Variants in HYAL4 observed in about 807,000 individuals in gnomAD.
HYAL4 encodes hyaluronidase-4.
In HYAL4, 37 loss-of-function variants were observed where a neutral mutation model predicts 35.2. The ratio of observed to expected loss-of-function variants is 1.05; its 90% CI spans 0.81 to 1.38. The LOEUF (loss-of-function observed/expected upper bound fraction) is 1.38. HYAL4 is among the 40% of genes most tolerant of loss of function. HYAL4 has a pLI of 0.00. For synonymous variants in HYAL4, 198 were observed against 203.2 expected (o/e 0.97, Z 0.22); for missense variants, 572 against 572.4 (o/e 1.00, Z 0.01).
At chr7:123,857,341 A>G (rs560995967) in intron 2 of HYAL4, among the ~76,000 whole-genome samples, 2 of 152,286 alleles carry the variant, frequency 1.3e-5, no homozygotes, top group East Asian at 3.9e-4. Flanking sequence ...CCTGGTCTGC[A>G]GGTTGCGAAG....
chr7:123,797,735 A>G, the HYAL4 span, among the ~76,000 whole-genome samples: 1 of 152,208 alleles, frequency 6.6e-6, no homozygotes, highest in Non-Finnish European at 1.5e-5. Flanking sequence ...TCAGGTTATA[A>G]GTAACCTTCT....
intron 4 of HYAL4, 92 bp from the exon 5 acceptor site, chr7:123,876,662 T>C: frequency 1.5e-6 from 2 of 1,311,550 alleles, no homozygotes; most frequent in South Asian, 2.8e-5. Flanking sequence ...GCTCTAATTC[T>C]ATCAGTACCA....
At chr7:123,770,440 TAAA>T in the HYAL4 span, among the ~76,000 whole-genome samples, 9 of 118,482 alleles carry the variant, frequency 7.6e-5, no homozygotes, top group Admixed American at 8.7e-5. Context: ...AGACTCCATC[TAAA>T]AAAAAAAAAA....
At chr7:123,807,432 G>GTTTTTTTTTTT in the HYAL4 span, among the ~76,000 whole-genome samples, 144 of 120,762 alleles carry the variant, frequency 1.2e-3, 2 homozygotes, top group Middle Eastern at 4.4e-3. Context: ...ACTTTTTATG[G>GTTTTTTTTTTT]TTTTTTTTTT....
the HYAL4 span, among the ~76,000 whole-genome samples, chr7:123,809,393 C>CTTTTTTT: frequency 3.9e-5 from 5 of 129,568 alleles, no homozygotes; most frequent in Non-Finnish European, 6.7e-5. Flanking sequence ...TTTTCTTCTT[C>CTTTTTTT]TTTTTTTTTT....
At chr7:123,807,124 A>T in the HYAL4 span, among the ~76,000 whole-genome samples, 1 of 152,168 alleles carries the variant, frequency 6.6e-6, no homozygotes, top group Non-Finnish European at 1.5e-5. Flanking sequence ...AACCTCATAG[A>T]CTTTTTAGAG....
chr7:123,832,479 C>CTTTTTTTTTTTTTTTTTT lies in HYAL4; in HGVS notation c.-257+3376_-257+3393dup, dbSNP rs71163703. 9.2e-4 allele frequency among the ~76,000 whole-genome samples: 20 copies of CTTTTTTTTTTTTTTTTTT among 21,844 alleles called. 6 individuals carry two copies. The highest frequency in any genetic ancestry group is 1.9e-3 in the African/African-American group (7 of 3,596). 14.3% of individuals were successfully genotyped at this position (21,844 alleles called of 152,430 possible). A position where few individuals can be genotyped will look rare whatever the true frequency, so the allele number is the denominator to read the frequency against. ...AGTCCCCAAAGTCTATTGTGTCATA[C>CTTTTTTTTTTTTTTTTTT]TTTTTTTTTTTTTTTTTTTTTTTTT... is the stretch of plus-strand genomic sequence containing the variant. On this transcript the variant is annotated intron_variant, in intron 1 of 4. Coordinates refer to the HYAL4 transcript ENST00000489978.
the HYAL4 span, among the ~76,000 whole-genome samples, chr7:123,810,136 T>C: frequency 8.6e-4 from 131 of 152,330 alleles, 3 homozygotes; most frequent in South Asian, 0.027. Flanking sequence ...CCTTGCCAAG[T>C]GCTTTTCCCC....
upstream of HYAL4, among the ~76,000 whole-genome samples, chr7:123,840,445 G>A (rs1343876359): frequency 6.6e-6 from 1 of 152,030 alleles, no homozygotes; most frequent in Non-Finnish European, 1.5e-5. Flanking sequence ...TGTTCTTTTT[G>A]CTTAGGATTG....
chr7:123,843,479 G>A (rs183537972), upstream of HYAL4, among the ~76,000 whole-genome samples: 2 of 151,808 alleles, frequency 1.3e-5, no homozygotes, highest in Non-Finnish European at 2.9e-5. Flanking sequence ...TATGTGTCTT[G>A]GGGTTGCTCT....
chr7:123,809,825 C>T, the HYAL4 span, among the ~76,000 whole-genome samples: 9 of 152,114 alleles, frequency 5.9e-5, no homozygotes, highest in African/African-American at 1.9e-4. Context: ...CCTGTCACAT[C>T]CCACTGGACA....
At chr7:123,825,452 G>A (rs930882238), upstream of HYAL4, among the ~76,000 whole-genome samples, 6 of 152,038 alleles carry the variant, frequency 3.9e-5, no homozygotes, top group African/African-American at 1.4e-4. Flanking sequence ...AACTTTCATA[G>A]TAAAATAGAA....
At chr7:123,823,063 T>C in the HYAL4 span, among the ~76,000 whole-genome samples, 1 of 132,956 alleles carries the variant, frequency 7.5e-6, no homozygotes. Flanking sequence ...CTTTTCATCA[T>C]TGACTATGAT....
chr7:123,838,276 A>G lies in HYAL4; in HGVS notation c.-256-5969A>G, dbSNP rs1433158033. The stretch of plus-strand genomic sequence containing the variant: ...TTTTTTTGGAAATCAACAGAATTAT[A>G]TACAAAGAAACTCTGTGGAATTGCT... On this transcript the variant is annotated intron_variant, in intron 1 of 4. Transcript: ENST00000489978. Among the ~76,000 whole-genome samples the G allele has an allele frequency of 6.2e-5, 9 of 146,336 alleles. No individual in the cohort carries two copies. In the East Asian group the frequency reaches 1.2e-3, roughly 20 times the overall value.
chr7:123,814,282 GC>G, the HYAL4 span: 2 of 152,670 alleles, frequency 1.3e-5, no homozygotes, highest in South Asian at 4.1e-4. Context: ...TGTATTGTAT[GC>G]CTTCCTTCAA....
chr7:123,867,002 G>T (rs532132007), intron 2 of HYAL4, among the ~76,000 whole-genome samples: 1 of 152,272 alleles, frequency 6.6e-6, no homozygotes, highest in East Asian at 1.9e-4. Context: ...TGTTGGCCAG[G>T]ATGGTCTTGA....
chr7:123,859,068 G>A (rs1028243441), intron 2 of HYAL4, among the ~76,000 whole-genome samples: 1 of 152,146 alleles, frequency 6.6e-6, no homozygotes, highest in East Asian at 1.9e-4. Flanking sequence ...CATCAAAAAG[G>A]TATGGGTGAT....
the HYAL4 span, among the ~76,000 whole-genome samples, chr7:123,813,485 G>A: frequency 1.3e-5 from 2 of 150,110 alleles, no homozygotes; most frequent in African/African-American, 2.4e-5. Flanking sequence ...AGGATTTTAG[G>A]CTTGTTTATA....
chr7:123,875,862 G>T (rs1384659115), intron 4 of HYAL4, among the ~76,000 whole-genome samples: 1 of 151,882 alleles, frequency 6.6e-6, no homozygotes, highest in Non-Finnish European at 1.5e-5. Flanking sequence ...GACACTTTTT[G>T]CTAAATTGAA....
Sources: allele counts gnomAD v4.1 joint callset (sites outside exome capture counted in the v4.1 genomes callset), GRCh38; gene constraint gnomAD v4.1.1; transcripts MANE v1.5; gene names NCBI Gene and HGNC (gene_info 2026-07-23, HGNC 2026-07-21).